VPS53: variants seen among roughly 807,000 people sequenced by gnomAD.
VPS53 encodes VPS53 subunit of GARP complex, also known as vacuolar protein sorting-associated protein 53 homolog.
VPS53 carries 70 observed loss-of-function variants against 107.0 expected under a neutral mutation model. That is an observed-to-expected ratio of 0.65 (90% confidence interval 0.54 to 0.80). The LOEUF is 0.80. Among genes scored for constraint, VPS53 ranks in the 30% least tolerant of loss-of-function variants. The pLI is 0.00. For synonymous variants in VPS53, 409 were observed against 393.3 expected (o/e 1.04, Z -0.47); for missense variants, 917 against 1,049.4 (o/e 0.87, Z 1.74).
Position 572,111 on chromosome 17 carries a change from C to T in VPS53, c.1314-9366G>A, listed in dbSNP as rs939036246. On this transcript the variant is annotated intron_variant, in intron 13 of 21. Coordinates refer to ENST00000437048, the MANE Select transcript of VPS53 (RefSeq NM_001128159.3). ...CTAGGAAGTGAGGAGCGCCTCTTCC[C>T]GGCCGCCATCCCATCTAGGAAGTGA... Among the ~76,000 whole-genome samples the T allele has an allele frequency of 6.6e-5, 10 of 151,852 alleles. No homozygotes were observed. The East Asian group carries it at 9.7e-4, about 15-fold the overall frequency.
intron 18 of VPS53, among the ~76,000 whole-genome samples, chr17:535,317 G>C (rs1329709105): frequency 2.0e-5 from 3 of 152,216 alleles, no homozygotes; most frequent in African/African-American, 7.2e-5. Context: ...GGGAGATGCT[G>C]GGACTGGCTA....
chr17:664,200 TC>T (rs1385180695), intron 4 of VPS53, among the ~76,000 whole-genome samples: 1 of 152,134 alleles, frequency 6.6e-6, no homozygotes, highest in Non-Finnish European at 1.5e-5. Flanking sequence ...TGCCTCAGCC[TC>T]CCGAGTAGCT....
intron 11 of VPS53, among the ~76,000 whole-genome samples, chr17:605,793 C>T (rs1208171955): frequency 7.4e-6 from 1 of 134,798 alleles, no homozygotes; most frequent in Non-Finnish European, 1.6e-5. Context: ...GAGTCAGGGA[C>T]AGAAAGGAAG....
At chr17:562,839 A>C in intron 13 of VPS53, 94 bp from the exon 14 acceptor site, 1 of 1,386,044 alleles carries the variant, frequency 7.2e-7, no homozygotes, top group South Asian at 1.4e-5. Flanking sequence ...TACTGCCACA[A>C]GTAATCATTC....
chr17:594,603 C>T (rs1967860041), intron 12 of VPS53, among the ~76,000 whole-genome samples: 1 of 149,902 alleles, frequency 6.7e-6, no homozygotes, highest in Non-Finnish European at 1.5e-5. Context: ...ACTCTAGTGC[C>T]CCGCCCTGGA....
rs148807385 is a variant in VPS53 at position 581,870 on chromosome 17, T to C, written c.1313+4400A>G. ...CAGAGAACCTCCCTCAGAACCTCAG[T>C]ACATTCGCAGACAACCTCCCTTGGA... On this transcript the variant is annotated intron_variant, in intron 13 of 21. Transcript: ENST00000437048. 1.7e-3 allele frequency among the ~76,000 whole-genome samples: 253 copies of C among 146,192 alleles called. 2 individuals carry two copies. The East Asian group carries it at 0.019, about 11-fold the overall frequency.
chr17:642,897 C>T (rs372779925), intron 7 of VPS53, among the ~76,000 whole-genome samples: 15 of 134,418 alleles, frequency 1.1e-4, no homozygotes, highest in Admixed American at 3.6e-4. Context: ...ACTTGGAAAT[C>T]GAGGACAACA....
chr17:627,345 C>A, intron 9 of VPS53, 29 bp from the exon 10 acceptor site: 1 of 1,602,934 alleles, frequency 6.2e-7, no homozygotes, highest in Non-Finnish European at 8.5e-7. Context: ...AAAAGCCACC[C>A]CAGTGGTTAG....
intron 13 of VPS53, among the ~76,000 whole-genome samples, chr17:573,753 A>G (rs527665094): frequency 6.6e-6 from 1 of 152,302 alleles, no homozygotes; most frequent in East Asian, 1.9e-4. Context: ...GCGAAGCCTC[A>G]CATCTAGGTA....
chr17:702,535 A>G (rs1371342463), intron 2 of VPS53, among the ~76,000 whole-genome samples: 1 of 151,692 alleles, frequency 6.6e-6, no homozygotes, highest in African/African-American at 2.4e-5. Flanking sequence ...GCGTGGTGGC[A>G]GGTGCCTGTA....
intron 12 of VPS53, among the ~76,000 whole-genome samples, chr17:595,085 G>A (rs1488759593): frequency 1.2e-5 from 1 of 84,034 alleles, no homozygotes; most frequent in African/African-American, 4.8e-5. Flanking sequence ...CAATTTCCTC[G>A]TTTGATGATG....
chr17:664,625 G>A (rs1320922453), intron 4 of VPS53, among the ~76,000 whole-genome samples: 1 of 152,170 alleles, frequency 6.6e-6, no homozygotes, highest in African/African-American at 2.4e-5. Flanking sequence ...CAGATGTATG[G>A]CTTACTTGTA....
At chr17:639,312 A>G (rs1309880572) in intron 7 of VPS53, among the ~76,000 whole-genome samples, 1 of 152,156 alleles carries the variant, frequency 6.6e-6, no homozygotes, top group Non-Finnish European at 1.5e-5. Context: ...CTAGTTAGCC[A>G]TTCGTCTAAT....
intron 19 of VPS53, among the ~76,000 whole-genome samples, chr17:530,167 C>T (rs536729243): frequency 6.3e-5 from 8 of 126,388 alleles, no homozygotes; most frequent in Non-Finnish European, 1.3e-4. Flanking sequence ...TTTTTTGAGA[C>T]GGAGTCTCTA....
intron 4 of VPS53, chr17:675,528 C>A (rs1345243953): frequency 2.0e-5 from 3 of 152,184 alleles, no homozygotes; most frequent in Non-Finnish European, 2.9e-5. Flanking sequence ...AATCACAACA[C>A]TTTGGGAGGC....
intron 11 of VPS53, among the ~76,000 whole-genome samples, chr17:606,445 G>A (rs1968582932): frequency 6.6e-6 from 1 of 152,142 alleles, no homozygotes; most frequent in South Asian, 2.1e-4. Flanking sequence ...GATGAGGCAT[G>A]CGTGTCAGGC....
chr17:559,830 C>T lies in VPS53; in HGVS notation c.1704+596G>A, dbSNP rs139624228. Among the ~76,000 whole-genome samples the T allele has an allele frequency of 5.3e-3, 812 of 152,352 alleles. 18 individuals carry two copies. The highest frequency in any genetic ancestry group is 0.039 in the Admixed American group (591 of 15,304). On this transcript the variant is annotated intron_variant, in intron 15 of 21. Transcript: ENST00000437048. ...TCTAATTCCATGTTTAAGGCTGAAT[C>T]AAAGGTTATTCTGGGTCTTCCTTCT...
Position 519,064 on chromosome 17 carries a change from T to TG in VPS53, c.*63dup, listed in dbSNP as rs1023181357. 1.3e-5 allele frequency: 19 copies of TG among 1,443,778 alleles called. No individual in the cohort carries two copies. The highest frequency in any genetic ancestry group is 2.9e-5 in the African/African-American group (2 of 69,284). The allele number at this position is 1,443,778 out of a possible 1,614,324, so 89.4% of individuals were successfully genotyped here. A position where few individuals can be genotyped will look rare whatever the true frequency, so the allele number is the denominator to read the frequency against. ...GAGTGCCGGGGAGCACAGGAGAGGT[T>TG]GGGGGCTTCTGGGGAACGGGCGCTG... On this transcript the variant is annotated 3_prime_UTR_variant, in exon 22 of 22. Transcript: ENST00000437048. The surrounding 1 kb of genome is among the most constrained non-coding windows in gnomAD (Gnocchi z 5.0).
At chr17:574,936 G>C (rs1196148852) in intron 13 of VPS53, among the ~76,000 whole-genome samples, 2 of 152,188 alleles carry the variant, frequency 1.3e-5, no homozygotes, top group Non-Finnish European at 2.9e-5. Flanking sequence ...TGCCCCTCAG[G>C]GGTGTCTTAG....
Sources: gnomAD v4.1 joint callset for allele counts (sites outside exome capture counted in the v4.1 genomes callset) on GRCh38, gnomAD v4.1.1 for gene constraint, Gnocchi (gnomAD v3.1) non-coding constraint, MANE v1.5 for transcripts, NCBI Gene and HGNC (gene_info 2026-07-23, HGNC 2026-07-21) for gene names.